Variants in DSC2 observed in about 807,000 individuals in gnomAD.
The protein encoded by DSC2 is desmocollin-2.
In DSC2, 51 loss-of-function variants were observed where a neutral mutation model predicts 87.6. The ratio of observed to expected loss-of-function variants is 0.58; its 90% CI spans 0.46 to 0.74. The LOEUF is 0.74. DSC2 is among the 30% of genes least tolerant of loss of function. The pLI is 0.00. For missense variants in DSC2, 1,066 were observed against 1,089.5 expected, an observed-to-expected ratio of 0.98 and a Z score of 0.30; for synonymous variants, 383 against 393.2, an observed-to-expected ratio of 0.97 and a Z score of 0.31.
At chr18:31,091,205 T>C (rs2144843815) in intron 3 of DSC2, 58 bp from the exon 4 acceptor site, 1 of 1,600,088 alleles carries the variant, frequency 6.2e-7, no homozygotes, top group Non-Finnish European at 8.5e-7. Context: ...TTCTCAAACA[T>C]TAAACAATGA....
chr18:31,076,650 T>C lies in DSC2; in HGVS notation c.1664-1743A>G, dbSNP rs8087535. 3.2e-3 allele frequency among the ~76,000 whole-genome samples: 487 copies of C among 152,194 alleles called. 7 individuals are homozygous for C. Among genetic ancestry groups the C allele is most frequent in the African/African-American group, 0.011 (476 of 41,534 alleles). ...CTACCAGGGATTCTAAAAAAGAGAA[T>C]AGACAGAATGGCAGAGAAGCAATAG... On this transcript the variant is annotated intron_variant, in intron 11 of 15. Transcript: ENST00000280904.
Position 31,067,365 on chromosome 18 carries a change from T to C in DSC2, c.*650A>G, listed in dbSNP as rs557848433. Reference sequence around the variant, plus strand: ...CAGTAGTAAAAATACATTCTGAAAGTATTTTAAAACTTAAATTTCACTGGC... The same window carrying C: ...CAGTAGTAAAAATACATTCTGAAAGCATTTTAAAACTTAAATTTCACTGGC... On this transcript the variant is annotated 3_prime_UTR_variant, in exon 16 of 16. Transcript: ENST00000280904. The C allele has an allele frequency of 8.5e-5, 13 of 152,108 alleles. No individual in the cohort carries two copies. The highest frequency in any genetic ancestry group is 2.9e-4 in the African/African-American group (12 of 41,538). The allele number at this position is 152,108 out of a possible 1,614,324, so 9.4% of individuals were successfully genotyped here. A position where few individuals can be genotyped will look rare whatever the true frequency, so the allele number is the denominator to read the frequency against.
intron 1 of DSC2, chr18:31,101,323 A>C: frequency 1.0e-6 from 1 of 955,280 alleles, no homozygotes; most frequent in Non-Finnish European, 1.2e-6. Context: ...AATTCCCAGA[A>C]AGGCGAGCAG....
Position 31,089,552 on chromosome 18 carries a change from T to A in DSC2, c.517A>T (p.Ile173Leu), listed in dbSNP as rs766855728. The A allele has an allele frequency of 3.1e-6, 5 of 1,613,882 alleles. No homozygotes were observed. Among genetic ancestry groups the A allele is most frequent in the Non-Finnish European group, 4.2e-6 (5 of 1,179,962 alleles). The change falls in exon 5 of 16, where the codon ATA becomes TTA. Residue 173 changes from isoleucine to leucine, a missense_variant. Ile to Leu is a conservative substitution (Grantham distance 5, BLOSUM62 2). Coordinates refer to ENST00000280904, the MANE Select transcript of DSC2 (RefSeq NM_024422.6). Reference sequence around the variant, plus strand: ...TCTTGGTCAACTCCAGGACCTCTTATGGAATAGTATATGGTATAGTTTTGG... The same window carrying A: ...TCTTGGTCAACTCCAGGACCTCTTAAGGAATAGTATATGGTATAGTTTTGG... ...TAQNYTIYYS[I>L]RGPGVDQEPR... is the part of the protein sequence containing the mutation.
chr18:31,079,816 G>A (rs1987143316), intron 11 of DSC2, 31 bp downstream of exon 11: 4 of 1,613,186 alleles, frequency 2.5e-6, no homozygotes, highest in Non-Finnish European at 3.4e-6. Context: ...AGCCAAGGAA[G>A]TATGTAGCTG....
Position 31,071,661 on chromosome 18 carries a change from A to G in DSC2, c.2069T>C (p.Val690Ala). 1 of 1,575,124 alleles carries G rather than the reference A, an allele frequency of 6.3e-7. No individual in the cohort carries two copies. The highest frequency in any genetic ancestry group is 8.6e-7 in the Non-Finnish European group (1 of 1,162,548). The change falls in exon 13 of 16, where the codon GTA becomes GCA. Residue 690 changes from valine (V) to alanine (A), a missense_variant. Coordinates refer to ENST00000280904, the MANE Select transcript of DSC2 (RefSeq NM_024422.6). ...AAGGATGGCCCACTTTCCAAGTTGT[A>G]CTCCTCCACCGCCAATCCTTGGATC... ...RVDPRIGGGG[V>A]QLGKWAILAI...
In DSC2 at chr18:31,066,556, A is replaced by C. The variant is rs1986625134; in HGVS notation, c.*1459T>G. On this transcript the variant is annotated 3_prime_UTR_variant, in exon 16 of 16. Coordinates refer to ENST00000280904, the MANE Select transcript of DSC2 (RefSeq NM_024422.6). ...TGTTATAACCCAATCTTGTGAATTG[A>C]AGACAGGCACATTATAGATAATCAA... The C allele has an allele frequency of 6.6e-6, 1 of 152,158 alleles. No homozygotes were observed. The highest frequency in any genetic ancestry group is 1.5e-5 in the Non-Finnish European group (1 of 68,000). The allele number at this position is 152,158 out of a possible 1,614,324, so 9.4% of individuals were successfully genotyped here.
In DSC2 at chr18:31,082,554, C is replaced by T. The variant is rs561235362; in HGVS notation, c.1078-131G>A. On this transcript the variant is annotated intron_variant, in intron 8 of 15. Coordinates refer to ENST00000280904, the MANE Select transcript of DSC2 (RefSeq NM_024422.6). Reference sequence around the variant, plus strand: ...CATGATTTGAAACCCTAGCACTATACAACTTTTAATGTCACTGGGGCACTT... The same window carrying T: ...CATGATTTGAAACCCTAGCACTATATAACTTTTAATGTCACTGGGGCACTT... 15 of 858,936 alleles carry T rather than the reference C, an allele frequency of 1.7e-5. 1 individual carries two copies. The East Asian group carries it at 3.4e-4, about 20-fold the overall frequency. The allele number at this position is 858,936 out of a possible 1,614,324, so 53.2% of individuals were successfully genotyped here.
chr18:31,090,237 C>T (rs1286575112), intron 4 of DSC2, among the ~76,000 whole-genome samples: 1 of 152,198 alleles, frequency 6.6e-6, no homozygotes, highest in Admixed American at 6.5e-5. Flanking sequence ...TGTTTTCTAA[C>T]AATTTCTCAA....
chr18:31,068,469 A>T, intron 15 of DSC2: 1 of 1,028,584 alleles, frequency 9.7e-7, no homozygotes, highest in Non-Finnish European at 1.5e-6. Context: ...CATAGTCACT[A>T]CTTTCCCTTT....
chr18:31,091,681 T>G (rs1987604199), intron 3 of DSC2: 1 of 451,264 alleles, frequency 2.2e-6, no homozygotes, highest in African/African-American at 2.0e-5. Flanking sequence ...CACAATAGCA[T>G]GCATGTGGTC....
intron 13 of DSC2, among the ~76,000 whole-genome samples, 195 bp from the exon 14 acceptor site, chr18:31,071,045 C>T (rs1986811373): frequency 6.6e-6 from 1 of 151,858 alleles, no homozygotes; most frequent in African/African-American, 2.4e-5. Flanking sequence ...GTTTAAATAG[C>T]ATATCTACTT....
Position 31,065,575 on chromosome 18 carries a change from GT to G in DSC2, c.*2439del, listed in dbSNP as rs1208201945. Reference sequence around the variant, plus strand: ...TTACTTGGAAGTCTTAGCACTTGGGGTTACTATGACGACTGCCAAACAGCCA... The same window carrying G: ...TTACTTGGAAGTCTTAGCACTTGGGGTACTATGACGACTGCCAAACAGCCA... On this transcript the variant is annotated 3_prime_UTR_variant, in exon 16 of 16. Transcript: ENST00000280904. The G allele has an allele frequency of 6.6e-6, 1 of 152,162 alleles. No homozygotes were observed. The highest frequency in any genetic ancestry group is 1.5e-5 in the Non-Finnish European group (1 of 68,050). 9.4% of individuals were successfully genotyped at this position (152,162 alleles called of 1,614,324 possible).
Position 31,092,300 on chromosome 18 carries a change from A to T in DSC2, c.155T>A (p.Val52Asp). The change falls in exon 3 of 16, where the codon GTT becomes GAT. Residue 52 changes from valine to aspartate, a missense_variant and splice_region_variant. By Grantham distance (152) the Val-to-Asp change is radical (BLOSUM62 -3). Coordinates refer to ENST00000280904, the MANE Select transcript of DSC2 (RefSeq NM_024422.6). Reference protein sequence around the residue: ...KLDAEKLVGRVNLKECFTAAN... With the variant: ...KLDAEKLVGRDNLKECFTAAN... ...AGCTGTAAAGCACTCTTTCAGGTTAACTGTAGAAAATATGCACAGCAATCA... is the reference window on the plus strand; with the variant it reads ...AGCTGTAAAGCACTCTTTCAGGTTATCTGTAGAAAATATGCACAGCAATCA... The T allele has an allele frequency of 6.2e-7, 1 of 1,612,664 alleles. No individual in the cohort carries two copies. Among genetic ancestry groups the T allele is most frequent in the South Asian group, 1.1e-5 (1 of 91,048 alleles).
Position 31,093,650 on chromosome 18 carries a change from A to T in DSC2, c.70-7T>A. On this transcript the variant is annotated splice_polypyrimidine_tract_variant and splice_region_variant and intron_variant, in intron 1 of 15. Transcript: ENST00000280904. Reference sequence around the variant, plus strand: ...CACTGGCAAATATTAAGATCTAAAAAATGAAAAAAAATCAAATAAATATTA... The same window carrying T: ...CACTGGCAAATATTAAGATCTAAAATATGAAAAAAAATCAAATAAATATTA... The T allele has an allele frequency of 6.4e-7, 1 of 1,559,088 alleles. No homozygotes were observed. The highest frequency in any genetic ancestry group is 8.7e-7 in the Non-Finnish European group (1 of 1,145,436).
chr18:31,100,978 G>A (rs1267564841), intron 1 of DSC2, among the ~76,000 whole-genome samples: 2 of 151,822 alleles, frequency 1.3e-5, no homozygotes, highest in African/African-American at 2.4e-5. Flanking sequence ...GGGCTGTCCC[G>A]CCCCAAATAA....
chr18:31,086,459 T>A, intron 7 of DSC2, 117 bp downstream of exon 7: 1 of 1,271,044 alleles, frequency 7.9e-7, no homozygotes. Flanking sequence ...ATACATAAAA[T>A]AATAATGTTT....
chr18:31,075,887 G>A (rs1393496355), intron 11 of DSC2, among the ~76,000 whole-genome samples: 1 of 151,786 alleles, frequency 6.6e-6, no homozygotes, highest in East Asian at 1.9e-4. Flanking sequence ...AGAAAAGAAA[G>A]AAAGAAACTT....
rs1986568824 is a variant in DSC2, at chr18:31,064,552, A to C, written c.*3463T>G. The C allele has an allele frequency of 1.3e-5, 2 of 152,208 alleles. No individual in the cohort carries two copies. The highest frequency in any genetic ancestry group is 2.4e-5 in the African/African-American group (1 of 41,468). The allele number at this position is 152,208 out of a possible 1,614,324, so 9.4% of individuals were successfully genotyped here. On this transcript the variant is annotated 3_prime_UTR_variant, in exon 16 of 16. Coordinates refer to ENST00000280904, the MANE Select transcript of DSC2 (RefSeq NM_024422.6). Reference sequence around the variant, plus strand: ...TCTGTTTCAAGCCTAAGTAAGTGGAAGAAGGGCACCATTGTGTAAATAACT... The same window carrying C: ...TCTGTTTCAAGCCTAAGTAAGTGGACGAAGGGCACCATTGTGTAAATAACT...
Sources: allele counts gnomAD v4.1 joint callset (sites outside exome capture counted in the v4.1 genomes callset), GRCh38; gene constraint gnomAD v4.1.1; transcripts MANE v1.5; gene names NCBI Gene and HGNC (gene_info 2026-07-23, HGNC 2026-07-21).